The following DLGAP2 variants were observed in gnomAD, a reference collection of about 807,000 sequenced individuals.
The protein encoded by DLGAP2 is DLG associated protein 2.
In DLGAP2, 26 loss-of-function variants were observed where a neutral mutation model predicts 100.3. That is an observed-to-expected ratio of 0.26 (90% CI 0.19 to 0.36). The LOEUF is 0.36. Among genes scored for constraint, DLGAP2 ranks in the 10% least tolerant of loss-of-function variants. DLGAP2 has a pLI of 1.00. For missense variants in DLGAP2, 1,858 were observed against 1,453.2 expected (o/e 1.28, Z -4.53); for synonymous variants, 886 against 630.1 (o/e 1.41, Z -6.08).
At chr8:1,555,950 G>A (rs1391723060) in intron 5 of DLGAP2, among the ~76,000 whole-genome samples, 2 of 152,036 alleles carry the variant, frequency 1.3e-5, no homozygotes, top group African/African-American at 2.4e-5. Flanking sequence ...AAGCACATTG[G>A]AAATCATAAC....
At chr8:819,703 TCA>T (rs1366450781) in intron 1 of DLGAP2, among the ~76,000 whole-genome samples, 1 of 152,128 alleles carries the variant, frequency 6.6e-6, no homozygotes, top group Non-Finnish European at 1.5e-5. Flanking sequence ...AGAATAAGCC[TCA>T]CAAAATATAT....
intron 1 of DLGAP2, among the ~76,000 whole-genome samples, chr8:847,451 C>T (rs7828811): frequency 0.048 from 7,274 of 151,986 alleles, 286 homozygotes; most frequent in African/African-American, 0.1. Context: ...TAACTCTGAC[C>T]AGAATTTTAA....
intron 6 of DLGAP2, among the ~76,000 whole-genome samples, chr8:1,569,321 G>A (rs978563439): frequency 2.4e-4 from 36 of 152,198 alleles, no homozygotes; most frequent in Non-Finnish European, 4.9e-4. Context: ...CGATTTATAC[G>A]TGCCCCAATC....
intron 3 of DLGAP2, among the ~76,000 whole-genome samples, chr8:1,449,357 C>G (rs988763888): frequency 3.3e-5 from 5 of 152,104 alleles, no homozygotes; most frequent in African/African-American, 1.2e-4. Flanking sequence ...TTAGTCCAGC[C>G]CAGGCAGCTG....
intron 2 of DLGAP2, among the ~76,000 whole-genome samples, chr8:1,172,092 C>G (rs937098010): frequency 6.6e-6 from 1 of 152,014 alleles, no homozygotes; most frequent in African/African-American, 2.4e-5. Context: ...GTGACAAAAT[C>G]TCTCAGCATT....
chr8:1,431,129 G>C (rs553926780), intron 3 of DLGAP2, among the ~76,000 whole-genome samples: 1 of 152,208 alleles, frequency 6.6e-6, no homozygotes, highest in African/African-American at 2.4e-5. Context: ...ACAACCCAGT[G>C]TACAGAGAAC....
chr8:1,302,169 G>A (rs1268768484), intron 3 of DLGAP2: 2 of 152,050 alleles, frequency 1.3e-5, no homozygotes, highest in African/African-American at 2.4e-5. Context: ...GTGAGTTCCC[G>A]AGCTCTGCTC....
intron 2 of DLGAP2, among the ~76,000 whole-genome samples, chr8:1,157,224 G>A (rs924318539): frequency 3.9e-5 from 6 of 152,026 alleles, no homozygotes; most frequent in Non-Finnish European, 7.4e-5. Context: ...AGCAGTTCCC[G>A]GGAGCATTCA....
chr8:763,057 G>C (rs1237767790), intron 1 of DLGAP2, among the ~76,000 whole-genome samples: 1 of 151,850 alleles, frequency 6.6e-6, no homozygotes, highest in East Asian at 1.9e-4. Flanking sequence ...TATTCAAAGA[G>C]GGATTGGAGA....
intron 2 of DLGAP2, among the ~76,000 whole-genome samples, chr8:1,055,241 T>G (rs2129033793): frequency 6.6e-6 from 1 of 152,358 alleles, no homozygotes; most frequent in Non-Finnish European, 1.5e-5. Flanking sequence ...GCTGGTGGTT[T>G]CGGCCTGATG....
intron 3 of DLGAP2, among the ~76,000 whole-genome samples, chr8:1,377,496 A>G (rs1009193984): frequency 3.3e-5 from 5 of 152,178 alleles, no homozygotes; most frequent in African/African-American, 4.8e-5. Flanking sequence ...GTGAGCTGAG[A>G]TCGCACCACT....
At chr8:1,628,926 A>C (rs1585012597) in intron 7 of DLGAP2, among the ~76,000 whole-genome samples, 1 of 152,256 alleles carries the variant, frequency 6.6e-6, no homozygotes, top group Admixed American at 6.5e-5. Flanking sequence ...GGAAGTACAC[A>C]GTCAATTTTA....
At chr8:1,243,010 G>A (rs373946962) in intron 2 of DLGAP2, among the ~76,000 whole-genome samples, 5 of 152,194 alleles carry the variant, frequency 3.3e-5, no homozygotes, top group African/African-American at 1.2e-4. Context: ...TCTCTGGGGA[G>A]CCATTCCTGA....
chr8:1,663,618 C>A (rs1337798333), intron 8 of DLGAP2, among the ~76,000 whole-genome samples: 3 of 152,234 alleles, frequency 2.0e-5, no homozygotes, highest in African/African-American at 7.2e-5. Flanking sequence ...GAGAAGCCCC[C>A]CTTTCCCTTG....
chr8:1,457,135 T>C (rs1487869566), intron 3 of DLGAP2, among the ~76,000 whole-genome samples: 1 of 152,222 alleles, frequency 6.6e-6, no homozygotes, highest in Non-Finnish European at 1.5e-5. Flanking sequence ...TTTTTCAGTG[T>C]ATCCTATATT....
intron 6 of DLGAP2, among the ~76,000 whole-genome samples, chr8:1,567,123 C>T (rs1802436021): frequency 6.6e-6 from 1 of 152,124 alleles, no homozygotes; most frequent in South Asian, 2.1e-4. Context: ...AGGAAATAAC[C>T]AGGAAAGATG....
intron 1 of DLGAP2, among the ~76,000 whole-genome samples, chr8:794,373 A>G (rs1223124389): frequency 6.6e-6 from 1 of 152,182 alleles, no homozygotes; most frequent in Non-Finnish European, 1.5e-5. Context: ...CAGGGTTCTC[A>G]CAGCCTTCAG....
chr8:1,236,205 C>G (rs1191455564), intron 2 of DLGAP2, among the ~76,000 whole-genome samples: 1 of 109,708 alleles, frequency 9.1e-6, no homozygotes. Flanking sequence ...GTCTAGTTCT[C>G]TCACATGGCG....
At chr8:1,511,980 G>A (rs1800180830) in intron 4 of DLGAP2, among the ~76,000 whole-genome samples, 1 of 152,246 alleles carries the variant, frequency 6.6e-6, no homozygotes, top group Non-Finnish European at 1.5e-5. Flanking sequence ...GTTTGGTATT[G>A]GATGAATACT....
Sources: allele counts gnomAD v4.1 joint callset (sites outside exome capture counted in the v4.1 genomes callset), GRCh38; gene constraint gnomAD v4.1.1; transcripts MANE v1.5; gene names NCBI Gene and HGNC (gene_info 2026-07-23, HGNC 2026-07-21).